COA7: variants seen among roughly 807,000 people sequenced by gnomAD.
COA7 encodes the protein cytochrome c oxidase assembly factor 7, also known as Sel1 repeat containing 1.
Under a neutral mutation model 21.0 loss-of-function variants are expected in COA7, and 12 were observed. The observed-to-expected ratio is 0.57, with a 90% CI of 0.37 to 0.92. The LOEUF is 0.92. Among genes scored for constraint, COA7 ranks in the 40% least tolerant of loss-of-function variants. The probability of loss-of-function intolerance (pLI) is 0.01; values close to 1 mark genes in which losing one functional copy is unlikely to be tolerated. For synonymous variants in COA7, 95 were observed against 107.4 expected (o/e 0.88, Z 0.72); for missense variants, 240 against 286.1 (o/e 0.84, Z 1.16).
intron 1 of COA7, among the ~76,000 whole-genome samples, chr1:52,696,813 G>GAAA (rs540684646): frequency 8.1e-6 from 1 of 123,782 alleles, no homozygotes; most frequent in Non-Finnish European, 1.6e-5. Flanking sequence ...TTATTTGAAA[G>GAAA]AAAAAAAAAA....
intron 2 of COA7, among the ~76,000 whole-genome samples, chr1:52,690,495 T>C (rs1644037659): frequency 6.6e-6 from 1 of 151,584 alleles, no homozygotes; most frequent in Admixed American, 6.6e-5. Context: ...TAACTTTGAT[T>C]TTACTTGAAT....
At position 52,698,240 on chromosome 1, in the gene COA7, G is replaced by A. The variant is rs1263673601; in HGVS notation, c.87C>T (p.Tyr29=). The A allele has an allele frequency of 6.2e-7, 1 of 1,611,918 alleles. No homozygotes were observed. Among genetic ancestry groups the A allele is most frequent in the Admixed American group, 1.7e-5 (1 of 60,020 alleles). The change falls in exon 1 of 3, where the codon TAC becomes TAT. Residue 29 remains tyrosine (Y), a synonymous_variant. Coordinates refer to ENST00000371538, the MANE Select transcript of COA7 (RefSeq NM_023077.3). The part of the protein sequence containing the change: ...NMEVECNYHC[Y]HEKDPDGCYR... ...GCTCACCGTCCGGGTCCTTCTCGTG[G>A]TAGCAGTGGTAGTTGCACTCCACCT...
chr1:52,698,156 C>G (rs1644098340), intron 1 of COA7, 65 bp downstream of exon 1: 1 of 1,171,082 alleles, frequency 8.5e-7, no homozygotes, highest in East Asian at 2.4e-5. Context: ...TCAGAGGTCG[C>G]AGACCAGACC....
Position 52,687,816 on chromosome 1 carries a change from A to G in COA7, c.600T>C (p.Val200=). The change falls in exon 3 of 3, where the codon GTT becomes GTC. Residue 200 remains valine, a synonymous_variant. Coordinates refer to ENST00000371538, the MANE Select transcript of COA7 (RefSeq NM_023077.3). ...CCTCGGCCTTGGCCTCATCCTTATC[A>G]ACACCATCCCCCAGCTTGTACATGC... The part of the protein sequence containing the change: ...ASRMYKLGDG[V]DKDEAKAEVL... 5.6e-6 allele frequency: 9 copies of G among 1,614,222 alleles called. No individual in the cohort carries two copies. Among genetic ancestry groups the G allele is most frequent in the Non-Finnish European group, 7.6e-6 (9 of 1,180,036 alleles).
rs367564757 is a variant in COA7 at position 52,688,151 on chromosome 1, G to A, written c.265C>T (p.Leu89=). 2 of 1,611,238 alleles carry A rather than the reference G, an allele frequency of 1.2e-6. No individual in the cohort carries two copies. Among genetic ancestry groups the A allele is most frequent in the Non-Finnish European group, 1.7e-6 (2 of 1,179,924 alleles). The change falls in exon 3 of 3, where the codon CTG becomes TTG. Residue 89 remains leucine (L), a synonymous_variant. Transcript: ENST00000371538. ...AAAAAGCACCTGGCGGCAGCTTTCA[G>A]GTCCTGGGTCAGACCACCTGAGAGG... ...VTGKGGLTQD[L]KAAARCFLMA... is the part of the protein sequence containing the mutation.
rs1644011296 is a variant in COA7, at chr1:52,687,080, C to G, written c.*640G>C. The stretch of plus-strand genomic sequence containing the variant: ...CTTCTTCAGCAACCCTGAAGCATAA[C>G]AGCCTTTAAGCTGTATGTTGCACGT... On this transcript the variant is annotated 3_prime_UTR_variant, in exon 3 of 3. Coordinates refer to ENST00000371538, the MANE Select transcript of COA7 (RefSeq NM_023077.3). The G allele has an allele frequency of 1.3e-5, 2 of 152,570 alleles. No individual in the cohort carries two copies. The highest frequency in any genetic ancestry group is 4.8e-5 in the African/African-American group (2 of 41,452). The allele number at this position is 152,570 out of a possible 1,614,324, so 9.5% of individuals were successfully genotyped here. A position where few individuals can be genotyped will look rare whatever the true frequency, so the allele number is the denominator to read the frequency against.
chr1:52,686,820 CTAAT>C lies in COA7; in HGVS notation c.*896_*899del, dbSNP rs1355485308. The C allele has an allele frequency of 6.6e-6, 1 of 152,226 alleles. No homozygotes were observed. The highest frequency in any genetic ancestry group is 6.5e-5 in the Admixed American group (1 of 15,284). The allele number at this position is 152,226 out of a possible 1,614,324, so 9.4% of individuals were successfully genotyped here. A position where few individuals can be genotyped will look rare whatever the true frequency, so the allele number is the denominator to read the frequency against. ...CGGTACCTGGAATCTGGAAAGAACACTAATTAACACAAACCGTAGGTCACTCAAA... is the reference window on the plus strand; with the variant it reads ...CGGTACCTGGAATCTGGAAAGAACACTAACACAAACCGTAGGTCACTCAAA... On this transcript the variant is annotated 3_prime_UTR_variant, in exon 3 of 3. Transcript: ENST00000371538.
At chr1:52,693,325 C>A (rs1644061227) in intron 1 of COA7, among the ~76,000 whole-genome samples, 1 of 152,008 alleles carries the variant, frequency 6.6e-6, no homozygotes, top group Non-Finnish European at 1.5e-5. Context: ...TGCCTGTAAT[C>A]CCAGCACTTG....
At position 52,687,558 on chromosome 1, in the gene COA7, A is replaced by G. The variant is rs1339673176; in HGVS notation, c.*162T>C. 5 of 638,636 alleles carry G rather than the reference A, an allele frequency of 7.8e-6. No homozygotes were observed. The highest frequency in any genetic ancestry group is 1.4e-5 in the Non-Finnish European group (5 of 358,140). 39.6% of individuals were successfully genotyped at this position (638,636 alleles called of 1,614,324 possible). A position where few individuals can be genotyped will look rare whatever the true frequency, so the allele number is the denominator to read the frequency against. On this transcript the variant is annotated 3_prime_UTR_variant, in exon 3 of 3. Transcript: ENST00000371538. ...GACTGAAATAAACATTGTAGGCTAT[A>G]CTCCAGTAGCTGGGGCAATGGATCC...
In COA7 at chr1:52,687,594, A is replaced by G; in HGVS notation, c.*126T>C. 1.3e-6 allele frequency: 1 copy of G among 772,284 alleles called. No homozygotes were observed. The highest frequency in any genetic ancestry group is 2.7e-5 in the East Asian group (1 of 37,654). 47.8% of individuals were successfully genotyped at this position (772,284 alleles called of 1,614,324 possible). On this transcript the variant is annotated 3_prime_UTR_variant, in exon 3 of 3. Coordinates refer to ENST00000371538, the MANE Select transcript of COA7 (RefSeq NM_023077.3). Reference sequence around the variant, plus strand: ...TGGGGCAATGGATCCATGTAAATGGAGCTACAAATTCAAGTCCCAAGTTTT... The same window carrying G: ...TGGGGCAATGGATCCATGTAAATGGGGCTACAAATTCAAGTCCCAAGTTTT...
In COA7 at chr1:52,685,258, G is replaced by C. The variant is rs1246197761; in HGVS notation, c.*2462C>G. 6.6e-6 allele frequency: 1 copy of C among 152,222 alleles called. No homozygotes were observed. The highest frequency in any genetic ancestry group is 2.4e-5 in the African/African-American group (1 of 41,460). 9.4% of individuals were successfully genotyped at this position (152,222 alleles called of 1,614,324 possible). A position where few individuals can be genotyped will look rare whatever the true frequency, so the allele number is the denominator to read the frequency against. ...CCAGCAAGGAATAAGAGTTCTGGTT[G>C]CTCCAACTTTCCCAGCATTTCATGC... On this transcript the variant is annotated 3_prime_UTR_variant, in exon 3 of 3. Transcript: ENST00000371538.
intron 1 of COA7, among the ~76,000 whole-genome samples, chr1:52,697,006 G>T (rs907655428): frequency 6.6e-6 from 1 of 152,062 alleles, no homozygotes; most frequent in African/African-American, 2.4e-5. Flanking sequence ...CTACTCGGGA[G>T]GCTGAGGCAG....
At position 52,684,800 on chromosome 1, in the gene COA7, ACTG is replaced by A. The variant is rs750714893; in HGVS notation, c.*2917_*2919del. 9.4e-6 allele frequency: 1 copy of A among 106,580 alleles called. No individual in the cohort carries two copies. The highest frequency in any genetic ancestry group is 1.2e-4 in the Admixed American group (1 of 8,520). 6.6% of individuals were successfully genotyped at this position (106,580 alleles called of 1,614,324 possible). A position where few individuals can be genotyped will look rare whatever the true frequency, so the allele number is the denominator to read the frequency against. On this transcript the variant is annotated 3_prime_UTR_variant, in exon 3 of 3. Coordinates refer to ENST00000371538, the MANE Select transcript of COA7 (RefSeq NM_023077.3). ...TATTCCTCCCTCCCCTCCCCCACCC[ACTG>A]CTTTTTACTGTCTCCATAGTTTTGC...
intron 1 of COA7, among the ~76,000 whole-genome samples, chr1:52,697,725 A>G (rs1644094466): frequency 6.6e-6 from 1 of 151,448 alleles, no homozygotes; most frequent in Non-Finnish European, 1.5e-5. Context: ...GGCGCCTGCC[A>G]CCACGCCCGG....
chr1:52,691,470 G>GTT (rs541566680), intron 2 of COA7, among the ~76,000 whole-genome samples: 79 of 122,018 alleles, frequency 6.5e-4, no homozygotes, highest in Non-Finnish European at 8.4e-4. Flanking sequence ...GTGTGTGTGT[G>GTT]TTTTTTTTTT....
chr1:52,693,101 G>A (rs1386696284), intron 1 of COA7, among the ~76,000 whole-genome samples: 1 of 152,124 alleles, frequency 6.6e-6, no homozygotes, highest in African/African-American at 2.4e-5. Context: ...CATGGCTTGG[G>A]GAGACCTCAG....
rs1436934056 is a variant in COA7, at chr1:52,686,462, T to TG, written c.*1257_*1258insC. ...ACAGAAAAAGCAAATTTTTTTTTTTTTTTGAGACGGAGTCTCACTCTATCG... is the reference window on the plus strand; with the variant it reads ...ACAGAAAAAGCAAATTTTTTTTTTTTGTTTGAGACGGAGTCTCACTCTATCG... On this transcript the variant is annotated 3_prime_UTR_variant, in exon 3 of 3. Coordinates refer to ENST00000371538, the MANE Select transcript of COA7 (RefSeq NM_023077.3). 6.6e-6 allele frequency: 1 copy of TG among 151,996 alleles called. No homozygotes were observed. Among genetic ancestry groups the TG allele is most frequent in the Non-Finnish European group, 1.5e-5 (1 of 67,980 alleles). 9.4% of individuals were successfully genotyped at this position (151,996 alleles called of 1,614,324 possible).
chr1:52,685,009 T>C lies in COA7; in HGVS notation c.*2711A>G, dbSNP rs982653456. ...TAATGACTACATGCACCACAATTTATTTACCCATTTACCTACTGAAAGACA... is the reference window on the plus strand; with the variant it reads ...TAATGACTACATGCACCACAATTTACTTACCCATTTACCTACTGAAAGACA... On this transcript the variant is annotated 3_prime_UTR_variant, in exon 3 of 3. Transcript: ENST00000371538. 2 of 152,224 alleles carry C rather than the reference T, an allele frequency of 1.3e-5. No homozygotes were observed. Among genetic ancestry groups the C allele is most frequent in the Non-Finnish European group, 2.9e-5 (2 of 68,040 alleles). 9.4% of individuals were successfully genotyped at this position (152,224 alleles called of 1,614,324 possible).
rs1395970036 is a variant in COA7 at position 52,688,107 on chromosome 1, A to C, written c.309T>G (p.Pro103=). ...ARCFLMACEK[P]GKKSIAACHN... ...GACATGCTGCTATTGACTTCTTTCC[A>C]GGCTTCTCACACGCCATCAAAAAGC... is the stretch of plus-strand genomic sequence containing the variant. The change falls in exon 3 of 3, where the codon CCT becomes CCG. Residue 103 remains proline, a synonymous_variant. Coordinates refer to ENST00000371538, the MANE Select transcript of COA7 (RefSeq NM_023077.3). 1.2e-6 allele frequency: 2 copies of C among 1,613,822 alleles called. No individual in the cohort carries two copies. The highest frequency in any genetic ancestry group is 1.7e-6 in the Non-Finnish European group (2 of 1,180,032).
Sources: allele counts gnomAD v4.1 joint callset (sites outside exome capture counted in the v4.1 genomes callset), GRCh38; gene constraint gnomAD v4.1.1; transcripts MANE v1.5; gene names NCBI Gene and HGNC (gene_info 2026-07-23, HGNC 2026-07-21).